SERPINI1: variants seen among roughly 807,000 people sequenced by gnomAD.
SERPINI1 encodes the protein serpin family I member 1.
A neutral mutation model predicts 41.1 loss-of-function variants in SERPINI1; 19 were observed. The ratio of observed to expected loss-of-function variants is 0.46; its 90% CI spans 0.32 to 0.68. The LOEUF (loss-of-function observed/expected upper bound fraction) is 0.68. SERPINI1 is among the 30% of genes least tolerant of loss of function. SERPINI1 has a pLI of 0.03. For synonymous variants in SERPINI1, 138 were observed against 156.6 expected (o/e 0.88, Z 0.89); for missense variants, 460 against 479.2 (o/e 0.96, Z 0.37).
In SERPINI1 at chr3:167,752,548, AC is replaced by A. The variant is rs776695936; in HGVS notation, c.-19+16730del. 1.8e-4 allele frequency among the ~76,000 whole-genome samples: 28 copies of A among 151,540 alleles called. 1 individual carries two copies. Among genetic ancestry groups the A allele is most frequent in the Admixed American group, 1.3e-3 (19 of 15,164 alleles). On this transcript the variant is annotated intron_variant, in intron 1 of 8. Coordinates refer to ENST00000446050, the MANE Select transcript of SERPINI1 (RefSeq NM_001122752.2). The stretch of plus-strand genomic sequence containing the variant: ...CTATCCCTTTTCTATCTTCATTGCA[AC>A]CCCCATAGTCAACTATCTTCTCTCA...
At chr3:167,793,078 G>A (rs914221975) in intron 4 of SERPINI1, among the ~76,000 whole-genome samples, 2 of 152,130 alleles carry the variant, frequency 1.3e-5, no homozygotes, top group Admixed American at 1.3e-4. Context: ...AAAACTCATT[G>A]GGTTTAGGAT....
chr3:167,794,832 G>C lies in SERPINI1; in HGVS notation c.881+8G>C, dbSNP rs1727659652. On this transcript the variant is annotated splice_region_variant and intron_variant, in intron 5 of 8. Transcript: ENST00000446050. Reference sequence around the variant, plus strand: ...AGAAGTATACCTGCCCAGGTATGAGGTTCCTGTGTCACCCGTCCCACAGCA... The same window carrying C: ...AGAAGTATACCTGCCCAGGTATGAGCTTCCTGTGTCACCCGTCCCACAGCA... 1 of 1,610,536 alleles carries C rather than the reference G, an allele frequency of 6.2e-7. No individual in the cohort carries two copies. Among genetic ancestry groups the C allele is most frequent in the Non-Finnish European group, 8.5e-7 (1 of 1,178,080 alleles).
At chr3:167,751,465 G>A (rs533827680) in intron 1 of SERPINI1, among the ~76,000 whole-genome samples, 15 of 152,272 alleles carry the variant, frequency 9.9e-5, no homozygotes, top group African/African-American at 3.4e-4. Flanking sequence ...TATAAGCAAA[G>A]ATTAAATTAT....
intron 8 of SERPINI1, 139 bp downstream of exon 8, chr3:167,824,701 C>T: frequency 1.6e-6 from 1 of 606,682 alleles, no homozygotes; most frequent in South Asian, 2.1e-5. Flanking sequence ...CAGAGATTGA[C>T]CAACTGAATT....
chr3:167,765,904 A>G (rs1483021023), intron 1 of SERPINI1, among the ~76,000 whole-genome samples: 2 of 152,158 alleles, frequency 1.3e-5, no homozygotes, highest in Non-Finnish European at 2.9e-5. Context: ...ACATAACAAG[A>G]GTCACCTTTG....
chr3:167,818,018 G>GT (rs1712176583), intron 6 of SERPINI1, among the ~76,000 whole-genome samples: 2 of 151,426 alleles, frequency 1.3e-5, no homozygotes, highest in African/African-American at 2.4e-5. Context: ...AAATATTTTG[G>GT]TTGTTTGTTT....
chr3:167,809,116 G>A (rs1464705790), intron 6 of SERPINI1, among the ~76,000 whole-genome samples: 2 of 152,130 alleles, frequency 1.3e-5, no homozygotes, highest in African/African-American at 2.4e-5. Flanking sequence ...TTATATCCAA[G>A]CTTCTAGGGC....
intron 6 of SERPINI1, among the ~76,000 whole-genome samples, chr3:167,808,630 G>T (rs1278860092): frequency 6.6e-6 from 1 of 152,188 alleles, no homozygotes; most frequent in Admixed American, 6.5e-5. Context: ...TTAAAGGAGA[G>T]AATTTAGTTT....
intron 1 of SERPINI1, among the ~76,000 whole-genome samples, chr3:167,765,170 T>G (rs1726518887): frequency 6.6e-6 from 1 of 152,212 alleles, no homozygotes; most frequent in Non-Finnish European, 1.5e-5. Flanking sequence ...GTAGGGACTC[T>G]GTGTGGAGGC....
intron 1 of SERPINI1, among the ~76,000 whole-genome samples, chr3:167,777,891 G>A (rs1364125330): frequency 6.6e-6 from 1 of 152,150 alleles, no homozygotes; most frequent in East Asian, 1.9e-4. Flanking sequence ...CCTCAGGAAT[G>A]GATTAATGCT....
At chr3:167,769,124 G>A (rs955779221) in intron 1 of SERPINI1, among the ~76,000 whole-genome samples, 1 of 152,108 alleles carries the variant, frequency 6.6e-6, no homozygotes, top group Non-Finnish European at 1.5e-5. Context: ...CTCCCGAGTA[G>A]CTGGGACTAC....
intron 1 of SERPINI1, among the ~76,000 whole-genome samples, chr3:167,738,494 A>G (rs2108527449): frequency 6.6e-6 from 1 of 152,254 alleles, no homozygotes; most frequent in South Asian, 2.1e-4. Context: ...AGGGGAATAG[A>G]TATAAAGAAA....
intron 1 of SERPINI1, among the ~76,000 whole-genome samples, chr3:167,743,607 G>A (rs995673987): frequency 3.9e-5 from 6 of 152,086 alleles, no homozygotes; most frequent in Non-Finnish European, 7.4e-5. Context: ...TAAGAGTCAC[G>A]TGTAAATTTC....
chr3:167,771,153 C>T (rs1035442196), intron 1 of SERPINI1, among the ~76,000 whole-genome samples: 2 of 152,076 alleles, frequency 1.3e-5, no homozygotes, highest in African/African-American at 2.4e-5. Context: ...TCTTTTGACC[C>T]AACAATTTAA....
intron 1 of SERPINI1, among the ~76,000 whole-genome samples, chr3:167,768,979 CT>C (rs1726653499): frequency 7.9e-6 from 1 of 127,358 alleles, no homozygotes; most frequent in African/African-American, 2.9e-5. Flanking sequence ...TAATTTTGTT[CT>C]TTTGTTTGTT....
intron 1 of SERPINI1, among the ~76,000 whole-genome samples, chr3:167,739,116 T>G (rs1467179070): frequency 6.6e-6 from 1 of 150,968 alleles, no homozygotes; most frequent in East Asian, 1.9e-4. Flanking sequence ...TGTTTCTTTT[T>G]TTTTTTTTTT....
chr3:167,799,827 G>A (rs1431019808), intron 5 of SERPINI1, among the ~76,000 whole-genome samples: 1 of 151,786 alleles, frequency 6.6e-6, no homozygotes, highest in Non-Finnish European at 1.5e-5. Context: ...TATGTTTGTT[G>A]GCCACATAAA....
chr3:167,792,390 T>C (rs527563681), intron 3 of SERPINI1, among the ~76,000 whole-genome samples, 200 bp from the exon 4 acceptor site: 2,247 of 140,094 alleles, frequency 0.016, 55 homozygotes, highest in African/African-American at 0.055. Flanking sequence ...CACACACACA[T>C]ATATATATAT....
rs567043099 is a variant in SERPINI1 at position 167,790,570 on chromosome 3, A to T, written c.449A>T (p.Tyr150Phe). ...AGTCAAAATGTAGCCGTGGCCAACT[A>T]CATCAATAAGTGGGTGGAGAATAAC... ...DFSQNVAVAN[Y>F]INKWVENNTN... Residue 150 changes from tyrosine to phenylalanine, a missense_variant, in exon 3 of 9, where the codon TAC (tyrosine) becomes TTC (phenylalanine). Physicochemically the swap from Tyr to Phe is conservative, Grantham distance 22. Coordinates refer to ENST00000446050, the MANE Select transcript of SERPINI1 (RefSeq NM_001122752.2). 5.0e-6 allele frequency: 8 copies of T among 1,613,734 alleles called. No homozygotes were observed. Among genetic ancestry groups the T allele is most frequent in the Non-Finnish European group, 5.1e-6 (6 of 1,179,734 alleles).
Sources: allele counts gnomAD v4.1 joint callset (sites outside exome capture counted in the v4.1 genomes callset), GRCh38; gene constraint gnomAD v4.1.1; transcripts MANE v1.5; gene names NCBI Gene and HGNC (gene_info 2026-07-23, HGNC 2026-07-21).